The following CENPP variants were observed in gnomAD, a reference collection of about 807,000 sequenced individuals.
CENPP encodes centromere protein P.
CENPP carries 24 observed loss-of-function variants against 35.6 expected under a neutral mutation model. That is an observed-to-expected ratio of 0.67 (90% CI 0.49 to 0.95). The LOEUF (loss-of-function observed/expected upper bound fraction) is 0.95. Among genes scored for constraint, CENPP ranks in the 40% least tolerant of loss-of-function variants. The pLI is 0.00. For missense variants in CENPP, 332 were observed against 345.3 expected, an observed-to-expected ratio of 0.96 and a Z score of 0.31; for synonymous variants, 120 against 125.5, an observed-to-expected ratio of 0.96 and a Z score of 0.29.
intron 5 of CENPP, chr9:92,600,374 A>C: frequency 6.3e-7 from 1 of 1,578,562 alleles, no homozygotes; most frequent in Non-Finnish European, 8.6e-7. Flanking sequence ...CCATTGGGAT[A>C]TATTTCCAGT....
At position 92,486,349 on chromosome 9, in the gene CENPP, G is replaced by A. The variant is rs149833737; in HGVS notation, c.564+106490G>A. ...TCCCTCATGGTGGACTAGGCACTTC[G>A]GTTTCTAATGAACTTATTTTATACT... On this transcript the variant is annotated intron_variant, in intron 5 of 7. Coordinates refer to ENST00000375587, the MANE Select transcript of CENPP (RefSeq NM_001012267.3). Among the ~76,000 whole-genome samples, 246 of 152,268 alleles carry A rather than the reference G, an allele frequency of 1.6e-3. 1 individual carries two copies. Among genetic ancestry groups the A allele is most frequent in the Non-Finnish European group, 2.7e-3 (186 of 68,018 alleles).
At chr9:92,403,615 A>G in intron 5 of CENPP, 2 of 1,211,666 alleles carry the variant, frequency 1.7e-6, no homozygotes, top group African/African-American at 1.6e-5. Flanking sequence ...AGCAGTTTTT[A>G]TGTATCAGTG....
At position 92,329,250 on chromosome 9, in the gene CENPP, C is replaced by T. The variant is rs1488242953; in HGVS notation, c.108-2920C>T. On this transcript the variant is annotated intron_variant, in intron 1 of 7. Coordinates refer to ENST00000375587, the MANE Select transcript of CENPP (RefSeq NM_001012267.3). The stretch of plus-strand genomic sequence containing the variant: ...CCCAGGCTGGAGTGTGGTGGCGCAA[C>T]CTCAGCTCACTGCAACCTCCGCCCC... 2.0e-5 allele frequency among the ~76,000 whole-genome samples: 3 copies of T among 148,880 alleles called. No individual in the cohort carries two copies. In the East Asian group the frequency reaches 5.9e-4, roughly 29 times the overall value.
chr9:92,603,136 G>A (rs1850972543), intron 5 of CENPP, among the ~76,000 whole-genome samples: 1 of 152,160 alleles, frequency 6.6e-6, no homozygotes, highest in Non-Finnish European at 1.5e-5. Flanking sequence ...AGTTTAAAAG[G>A]GATTTCTCAA....
intron 5 of CENPP, among the ~76,000 whole-genome samples, chr9:92,395,696 T>C (rs925741800): frequency 2.0e-5 from 3 of 152,208 alleles, no homozygotes; most frequent in African/African-American, 7.2e-5. Context: ...CTTTTTAATT[T>C]TAGCAATTGA....
At chr9:92,557,427 T>TCA (rs1180441122) in intron 5 of CENPP, among the ~76,000 whole-genome samples, 1 of 152,244 alleles carries the variant, frequency 6.6e-6, no homozygotes, top group African/African-American at 2.4e-5. Flanking sequence ...TTCAAGCTTT[T>TCA]AGAATTCTCT....
intron 5 of CENPP, chr9:92,403,500 G>T (rs1588104770): frequency 3.4e-6 from 5 of 1,483,224 alleles, no homozygotes; most frequent in Non-Finnish European, 4.5e-6. Flanking sequence ...TAAAAATTCA[G>T]ACCATCGAAG....
chr9:92,369,361 C>A (rs1237267191), intron 4 of CENPP, among the ~76,000 whole-genome samples: 1 of 152,132 alleles, frequency 6.6e-6, no homozygotes, highest in Non-Finnish European at 1.5e-5. Context: ...GGACCTGTCC[C>A]TAGTTAACTC....
chr9:92,387,070 A>T (rs201579842), intron 5 of CENPP, among the ~76,000 whole-genome samples: 1 of 149,018 alleles, frequency 6.7e-6, no homozygotes, highest in Non-Finnish European at 1.5e-5. Context: ...AAAAAAAAAA[A>T]AAAAAGAAAT....
In CENPP at chr9:92,444,185, C is replaced by T. The variant is rs576821307; in HGVS notation, c.564+64326C>T. On this transcript the variant is annotated intron_variant, in intron 5 of 7. Transcript: ENST00000375587. ...GAATCTATTTTAATCAAATTATAAT[C>T]ATAGCATATAATTTACATTTCATAC... is the stretch of plus-strand genomic sequence containing the variant. Among the ~76,000 whole-genome samples the T allele has an allele frequency of 1.5e-4, 23 of 152,274 alleles. No homozygotes were observed. The East Asian group carries it at 4.4e-3, about 29-fold the overall frequency.
intron 5 of CENPP, among the ~76,000 whole-genome samples, chr9:92,406,428 T>C (rs1843310741): frequency 6.6e-6 from 1 of 152,218 alleles, no homozygotes; most frequent in Admixed American, 6.5e-5. Flanking sequence ...CCTGTTTGCA[T>C]TTTAGAAACA....
chr9:92,543,860 G>A (rs188608097), intron 5 of CENPP, among the ~76,000 whole-genome samples: 3 of 152,202 alleles, frequency 2.0e-5, no homozygotes, highest in African/African-American at 4.8e-5. Flanking sequence ...ATACAGAAAA[G>A]CTACTGATTT....
intron 5 of CENPP, among the ~76,000 whole-genome samples, chr9:92,431,494 T>C (rs1844107657): frequency 6.6e-6 from 1 of 152,216 alleles, no homozygotes; most frequent in African/African-American, 2.4e-5. Flanking sequence ...AGATTGAACA[T>C]CTTTTCGAAT....
At chr9:92,415,628 AAAT>A (rs1356624431) in intron 5 of CENPP, 2 of 374,992 alleles carry the variant, frequency 5.3e-6, no homozygotes, top group East Asian at 8.3e-5. Context: ...TATATTAATC[AAAT>A]AATAAAAAGA....
intron 5 of CENPP, among the ~76,000 whole-genome samples, chr9:92,592,340 C>A (rs1250844454): frequency 6.6e-6 from 1 of 152,166 alleles, no homozygotes; most frequent in East Asian, 1.9e-4. Context: ...CTCCTGACAG[C>A]AGGGATCCAC....
At chr9:92,333,108 ATT>A (rs1840807800) in intron 2 of CENPP, among the ~76,000 whole-genome samples, 1 of 152,166 alleles carries the variant, frequency 6.6e-6, no homozygotes, top group Non-Finnish European at 1.5e-5. Context: ...CAATGACTAG[ATT>A]TTATTGCCAA....
At chr9:92,370,510 G>C (rs1273406655) in intron 4 of CENPP, among the ~76,000 whole-genome samples, 1 of 151,978 alleles carries the variant, frequency 6.6e-6, no homozygotes, top group Non-Finnish European at 1.5e-5. Context: ...TGGAGTCTCA[G>C]TCTGTCTCCC....
rs191578368 is a variant in CENPP, at chr9:92,366,008, G to A, written c.468-13755G>A. Among the ~76,000 whole-genome samples, 269 of 151,536 alleles carry A rather than the reference G, an allele frequency of 1.8e-3. 1 individual carries two copies. The highest frequency in any genetic ancestry group is 9.2e-3 in the South Asian group (44 of 4,796). On this transcript the variant is annotated intron_variant, in intron 4 of 7. Transcript: ENST00000375587. ...ATCCTGGCTAACATGGTGAAACCCC[G>A]TCTCTACTAAAAATTCAAAAAATTA...
chr9:92,611,612 C>G (rs1160826153), intron 6 of CENPP, among the ~76,000 whole-genome samples: 2 of 152,110 alleles, frequency 1.3e-5, no homozygotes, highest in African/African-American at 4.8e-5. Context: ...AAACGCCAGT[C>G]CTGGGGCCCA....
Sources: allele counts gnomAD v4.1 joint callset (sites outside exome capture counted in the v4.1 genomes callset), GRCh38; gene constraint gnomAD v4.1.1; transcripts MANE v1.5; gene names NCBI Gene and HGNC (gene_info 2026-07-23, HGNC 2026-07-21).